PTGFR: variants seen among roughly 807,000 people sequenced by gnomAD.
PTGFR encodes the protein prostaglandin F2-alpha receptor.
PTGFR carries 15 observed loss-of-function variants against 26.2 expected under a neutral mutation model. The observed-to-expected ratio is 0.57, with a 90% CI of 0.38 to 0.88. PTGFR has a LOEUF of 0.88. Ranked by LOEUF, PTGFR falls within the 40% of genes least tolerant of loss-of-function variation. The pLI is 0.00. For missense variants in PTGFR, 369 were observed against 427.2 expected, an observed-to-expected ratio of 0.86 and a Z score of 1.20; for synonymous variants, 165 against 151.1, an observed-to-expected ratio of 1.09 and a Z score of -0.68.
rs150028550 is a variant in PTGFR, at chr1:78,491,690, A to T, written c.-73+454A>T. Among the ~76,000 whole-genome samples, 939 of 152,314 alleles carry T rather than the reference A, an allele frequency of 6.2e-3. 10 individuals carry two copies. Among genetic ancestry groups the T allele is most frequent in the African/African-American group, 0.022 (907 of 41,586 alleles). Reference sequence around the variant, plus strand: ...AGGGCGGGGGGGATAGTAACGGGCGAAAGTCGAACTGTGAGTAAGACCTGG... The same window carrying T: ...AGGGCGGGGGGGATAGTAACGGGCGTAAGTCGAACTGTGAGTAAGACCTGG... On this transcript the variant is annotated intron_variant, in intron 1 of 2. Coordinates refer to ENST00000370757, the MANE Select transcript of PTGFR (RefSeq NM_000959.4).
chr1:78,514,671 G>C (rs1300324689), intron 2 of PTGFR, among the ~76,000 whole-genome samples: 2 of 152,124 alleles, frequency 1.3e-5, no homozygotes, highest in Admixed American at 6.5e-5. Flanking sequence ...GAATGATATA[G>C]TTTGGATATG....
intron 2 of PTGFR, among the ~76,000 whole-genome samples, chr1:78,501,945 A>G (rs1264541679): frequency 6.6e-6 from 1 of 152,206 alleles, no homozygotes; most frequent in Admixed American, 6.5e-5. Flanking sequence ...CAAAAAGTTT[A>G]TTGGTATTAA....
chr1:78,494,750 C>G (rs974799923), intron 2 of PTGFR, among the ~76,000 whole-genome samples: 1 of 152,146 alleles, frequency 6.6e-6, no homozygotes, highest in African/African-American at 2.4e-5. Flanking sequence ...GGATTACAGG[C>G]GTGTGGCACC....
Position 78,540,087 on chromosome 1 carries a change from G to A in PTGFR, c.*3400G>A, listed in dbSNP as rs907649283. On this transcript the variant is annotated 3_prime_UTR_variant, in exon 3 of 3. Coordinates refer to ENST00000370757, the MANE Select transcript of PTGFR (RefSeq NM_000959.4). ...AGTTTGTATCTCCCACATGGTTCCT[G>A]TCCACTCTGAAGGGGAGCTCTGCTG... Among the ~76,000 whole-genome samples the A allele has an allele frequency of 6.6e-6, 1 of 152,044 alleles. No individual in the cohort carries two copies. The highest frequency in any genetic ancestry group is 1.5e-5 in the Non-Finnish European group (1 of 67,990).
intron 2 of PTGFR, among the ~76,000 whole-genome samples, chr1:78,506,146 A>G (rs1649823054): frequency 6.6e-6 from 1 of 152,166 alleles, no homozygotes; most frequent in Non-Finnish European, 1.5e-5. Flanking sequence ...TCCATTCCTA[A>G]CAGCAACGTG....
intron 1 of PTGFR, among the ~76,000 whole-genome samples, chr1:78,491,527 C>T (rs1245520886): frequency 1.3e-5 from 2 of 152,240 alleles, no homozygotes; most frequent in Non-Finnish European, 2.9e-5. Context: ...GCGGGCGGCA[C>T]TGCGAGTTCC....
intron 2 of PTGFR, among the ~76,000 whole-genome samples, chr1:78,515,451 T>G (rs1381903191): frequency 6.6e-6 from 1 of 152,220 alleles, no homozygotes. Context: ...AAGTCCAATA[T>G]TTTGTAAATG....
At chr1:78,498,949 A>G (rs936438227) in intron 2 of PTGFR, among the ~76,000 whole-genome samples, 4 of 152,158 alleles carry the variant, frequency 2.6e-5, no homozygotes, top group African/African-American at 7.2e-5. Flanking sequence ...GGAAGTTTGT[A>G]ACTTAGACCT....
intron 2 of PTGFR, among the ~76,000 whole-genome samples, chr1:78,497,188 A>T (rs890767744): frequency 6.6e-6 from 1 of 152,190 alleles, no homozygotes; most frequent in Non-Finnish European, 1.5e-5. Context: ...GTACAAACAT[A>T]ACATTTGTTT....
intron 2 of PTGFR, among the ~76,000 whole-genome samples, chr1:78,511,085 G>T (rs750664106): frequency 6.6e-6 from 1 of 152,196 alleles, no homozygotes; most frequent in Non-Finnish European, 1.5e-5. Flanking sequence ...TTGGAGTTGA[G>T]TGCCTGTGGC....
intron 2 of PTGFR, among the ~76,000 whole-genome samples, chr1:78,524,237 C>A (rs888385983): frequency 6.6e-6 from 1 of 152,062 alleles, no homozygotes; most frequent in Non-Finnish European, 1.5e-5. Context: ...TACTCAACAA[C>A]TGCACACACA....
In PTGFR at chr1:78,493,196, T is replaced by C. The variant is rs779100761; in HGVS notation, c.453T>C (p.His151=). ...ATTCTACGAAAATTACATCCAAACATGTGAAAATGATGTTAAGTGGTGTGT... is the reference window on the plus strand; with the variant it reads ...ATTCTACGAAAATTACATCCAAACACGTGAAAATGATGTTAAGTGGTGTGT... The part of the protein sequence containing the change: ...IFHSTKITSK[H]VKMMLSGVCL... Residue 151 remains histidine, a synonymous_variant, in exon 2 of 3, where the codon CAT becomes CAC. Transcript: ENST00000370757. 2.5e-6 allele frequency: 4 copies of C among 1,614,120 alleles called. No individual in the cohort carries two copies. The highest frequency in any genetic ancestry group is 2.2e-5 in the East Asian group (1 of 44,888).
At chr1:78,511,202 C>T (rs1327488634) in intron 2 of PTGFR, among the ~76,000 whole-genome samples, 2 of 152,220 alleles carry the variant, frequency 1.3e-5, no homozygotes, top group Non-Finnish European at 2.9e-5. Context: ...TCTGGGGACT[C>T]TGTATGGGGG....
intron 2 of PTGFR, among the ~76,000 whole-genome samples, chr1:78,494,823 C>G (rs1418187688): frequency 6.6e-6 from 1 of 152,178 alleles, no homozygotes; most frequent in Non-Finnish European, 1.5e-5. Flanking sequence ...CCAGGCTAGT[C>G]TCAAACTCCT....
Position 78,540,321 on chromosome 1 carries a change from A to G in PTGFR, c.*3634A>G, listed in dbSNP as rs1045183830. On this transcript the variant is annotated 3_prime_UTR_variant, in exon 3 of 3. Transcript: ENST00000370757. ...GCTAAGTGCAATACTATATGTTAGG[A>G]AAACGGAAACTAATTTGTAGACAGC... 6.6e-6 allele frequency among the ~76,000 whole-genome samples: 1 copy of G among 152,136 alleles called. No individual in the cohort carries two copies.
At chr1:78,522,161 C>T (rs1022722792) in intron 2 of PTGFR, among the ~76,000 whole-genome samples, 2 of 152,136 alleles carry the variant, frequency 1.3e-5, no homozygotes, top group Non-Finnish European at 2.9e-5. Flanking sequence ...CTGTCCTCTG[C>T]TCCTAGAGGC....
intron 2 of PTGFR, among the ~76,000 whole-genome samples, chr1:78,510,331 C>A (rs1370292222): frequency 1.3e-5 from 2 of 152,210 alleles, no homozygotes; most frequent in African/African-American, 4.8e-5. Context: ...ATGTTGCTGG[C>A]ATCGTCTCAG....
Position 78,515,316 on chromosome 1 carries a change from C to T in PTGFR, c.799-21090C>T, listed in dbSNP as rs547834424. On this transcript the variant is annotated intron_variant, in intron 2 of 2. Coordinates refer to ENST00000370757, the MANE Select transcript of PTGFR (RefSeq NM_000959.4). Reference sequence around the variant, plus strand: ...AACCTGAAGAGGGGAGGGGGATTAACGTGCTATCATGACTTTAAGAACAGG... The same window carrying T: ...AACCTGAAGAGGGGAGGGGGATTAATGTGCTATCATGACTTTAAGAACAGG... Among the ~76,000 whole-genome samples, 22 of 152,200 alleles carry T rather than the reference C, an allele frequency of 1.4e-4. No homozygotes were observed. In the South Asian group the frequency reaches 3.9e-3, roughly 27 times the overall value.
At chr1:78,508,095 T>TA (rs1367827113) in intron 2 of PTGFR, among the ~76,000 whole-genome samples, 1 of 152,184 alleles carries the variant, frequency 6.6e-6, no homozygotes, top group Non-Finnish European at 1.5e-5. Context: ...GATACTTTTT[T>TA]AACCTGATTT....
Sources: allele counts gnomAD v4.1 joint callset (sites outside exome capture counted in the v4.1 genomes callset), GRCh38; gene constraint gnomAD v4.1.1; transcripts MANE v1.5; gene names NCBI Gene and HGNC (gene_info 2026-07-23, HGNC 2026-07-21).